Variants in OPCML observed in about 807,000 individuals in gnomAD.
OPCML encodes opioid binding protein/cell adhesion molecule like.
OPCML carries 13 observed loss-of-function variants against 37.8 expected under a neutral mutation model. That is an observed-to-expected ratio of 0.34 (90% CI 0.22 to 0.55). OPCML has a LOEUF of 0.55. Among genes scored for constraint, OPCML ranks in the 20% least tolerant of loss-of-function variants. The pLI is 0.91. For missense variants in OPCML, 341 were observed against 435.6 expected (o/e 0.78, Z 1.93); for synonymous variants, 176 against 168.8 (o/e 1.04, Z -0.33).
At chr11:132,919,313 T>C (rs1041589686) in intron 2 of OPCML, among the ~76,000 whole-genome samples, 7 of 152,064 alleles carry the variant, frequency 4.6e-5, no homozygotes, top group Admixed American at 2.6e-4. Flanking sequence ...TCAGCATCAC[T>C]GGGAAACATG....
intron 2 of OPCML, among the ~76,000 whole-genome samples, chr11:132,858,035 G>A (rs965843836): frequency 6.6e-6 from 1 of 152,138 alleles, no homozygotes; most frequent in Non-Finnish European, 1.5e-5. Context: ...GAGAGGGAGG[G>A]GAGGACTCTG....
At chr11:132,974,233 C>T (rs116117842) in intron 1 of OPCML, among the ~76,000 whole-genome samples, 1 of 152,182 alleles carries the variant, frequency 6.6e-6, no homozygotes, top group Non-Finnish European at 1.5e-5. Flanking sequence ...TAACTTGGTC[C>T]TTCATCTTCC....
At chr11:133,308,187 AC>A (rs966877101) in intron 1 of OPCML, among the ~76,000 whole-genome samples, 4 of 152,188 alleles carry the variant, frequency 2.6e-5, no homozygotes, top group Admixed American at 6.5e-5. Flanking sequence ...TCCAAGGTGA[AC>A]AAAAATCACC....
chr11:132,526,435 C>T (rs1305251063), intron 4 of OPCML, among the ~76,000 whole-genome samples: 1 of 152,126 alleles, frequency 6.6e-6, no homozygotes, highest in Non-Finnish European at 1.5e-5. Flanking sequence ...ATATCCCTTA[C>T]ATATACTTTA....
chr11:133,416,671 G>A lies in OPCML; in HGVS notation c.61+115593C>T, dbSNP rs575831799. On this transcript the variant is annotated intron_variant, in intron 1 of 7. Coordinates refer to ENST00000524381, the MANE Select transcript of OPCML (RefSeq NM_001012393.5). The stretch of plus-strand genomic sequence containing the variant: ...TTATAACAAGTTTCCAGCAAATGCA[G>A]GTTGAATGATCACCCACTGTAGTAG... Among the ~76,000 whole-genome samples, 15 of 152,296 alleles carry A rather than the reference G, an allele frequency of 9.8e-5. No individual in the cohort carries two copies. The East Asian group carries it at 1.7e-3, about 18-fold the overall frequency.
intron 2 of OPCML, among the ~76,000 whole-genome samples, chr11:132,702,449 G>T (rs1405887977): frequency 1.3e-5 from 2 of 152,128 alleles, no homozygotes; most frequent in African/African-American, 4.8e-5. Context: ...GGTTTCCATT[G>T]TATGTAACCA....
chr11:132,518,881 A>G (rs1217659722), intron 4 of OPCML, among the ~76,000 whole-genome samples: 1 of 152,198 alleles, frequency 6.6e-6, no homozygotes, highest in Non-Finnish European at 1.5e-5. Context: ...TGAGGGCATA[A>G]GAGACAAAGA....
At chr11:133,084,638 G>A (rs1036386010) in intron 1 of OPCML, among the ~76,000 whole-genome samples, 1 of 152,184 alleles carries the variant, frequency 6.6e-6, no homozygotes, top group African/African-American at 2.4e-5. Context: ...CAGGCAGTCG[G>A]ACAGATAGGG....
intron 1 of OPCML, among the ~76,000 whole-genome samples, chr11:133,480,245 G>T (rs958134347): frequency 2.6e-5 from 4 of 152,204 alleles, no homozygotes; most frequent in African/African-American, 4.8e-5. Flanking sequence ...AACTGGCTCT[G>T]TTGAATCTCT....
At chr11:132,915,916 T>A (rs1165862913) in intron 2 of OPCML, among the ~76,000 whole-genome samples, 1 of 152,242 alleles carries the variant, frequency 6.6e-6, no homozygotes, top group Non-Finnish European at 1.5e-5. Flanking sequence ...TGCTTATCTT[T>A]TCTACAGAGA....
intron 1 of OPCML, among the ~76,000 whole-genome samples, chr11:133,094,716 A>G (rs1408750367): frequency 6.6e-6 from 1 of 152,134 alleles, no homozygotes; most frequent in Non-Finnish European, 1.5e-5. Context: ...CTTATTAGGG[A>G]ACCAATGTCT....
At chr11:133,333,629 A>C (rs935232557) in intron 1 of OPCML, among the ~76,000 whole-genome samples, 4 of 152,248 alleles carry the variant, frequency 2.6e-5, no homozygotes, top group Non-Finnish European at 5.9e-5. Context: ...ACAAAGCAAA[A>C]ATTGACAAAT....
At chr11:132,881,202 A>C (rs1418831819) in intron 2 of OPCML, among the ~76,000 whole-genome samples, 2 of 152,236 alleles carry the variant, frequency 1.3e-5, no homozygotes, top group Non-Finnish European at 2.9e-5. Context: ...AACTACAAAG[A>C]AAATTTCCTA....
intron 4 of OPCML, among the ~76,000 whole-genome samples, chr11:132,445,059 G>A (rs2096050073): frequency 6.6e-6 from 1 of 152,254 alleles, no homozygotes; most frequent in African/African-American, 2.4e-5. Flanking sequence ...TTCTCAGGCT[G>A]TGGCCACCAG....
chr11:132,605,237 T>C (rs1938203884), intron 3 of OPCML, among the ~76,000 whole-genome samples: 1 of 152,062 alleles, frequency 6.6e-6, no homozygotes, highest in Non-Finnish European at 1.5e-5. Flanking sequence ...ATTTGCAGCA[T>C]AAAATAATTT....
intron 1 of OPCML, among the ~76,000 whole-genome samples, chr11:132,962,909 C>T (rs1946124015): frequency 6.6e-6 from 1 of 152,214 alleles, no homozygotes; most frequent in Non-Finnish European, 1.5e-5. Context: ...CACCAGCCTG[C>T]CTTCCCCCAG....
At position 132,741,642 on chromosome 11, in the gene OPCML, C is replaced by A. The variant is rs113937588; in HGVS notation, c.147-84323G>T. Among the ~76,000 whole-genome samples the A allele has an allele frequency of 6.8e-4, 103 of 152,234 alleles. 1 individual carries two copies. The highest frequency in any genetic ancestry group is 1.1e-3 in the Non-Finnish European group (73 of 68,028). ...TTAAGTCCTTATAATATTACAATTTCAACTCTAATCACTAAAGGCATTTGG... is the reference window on the plus strand; with the variant it reads ...TTAAGTCCTTATAATATTACAATTTAAACTCTAATCACTAAAGGCATTTGG... On this transcript the variant is annotated intron_variant, in intron 2 of 7. Transcript: ENST00000524381.
intron 3 of OPCML, among the ~76,000 whole-genome samples, chr11:132,650,593 TACAC>T (rs1164594943): frequency 1.3e-5 from 2 of 151,508 alleles, no homozygotes; most frequent in Admixed American, 6.6e-5. Flanking sequence ...CACACACACA[TACAC>T]ACACAAAAAA....
At chr11:132,864,527 C>T (rs970490613) in intron 2 of OPCML, among the ~76,000 whole-genome samples, 1 of 152,078 alleles carries the variant, frequency 6.6e-6, no homozygotes, top group Non-Finnish European at 1.5e-5. Context: ...TTGGATTATG[C>T]AAAGAAAAGT....
Sources: gnomAD v4.1 joint callset for allele counts (sites outside exome capture counted in the v4.1 genomes callset) on GRCh38, gnomAD v4.1.1 for gene constraint, MANE v1.5 for transcripts, NCBI Gene and HGNC (gene_info 2026-07-23, HGNC 2026-07-21) for gene names.